Variants in THSD7B observed in about 807,000 individuals in gnomAD.
THSD7B encodes the protein thrombospondin type 1 domain containing 7B, also known as thrombospondin type-1 domain-containing protein 7B.
THSD7B carries 138 observed loss-of-function variants against 213.6 expected under a neutral mutation model. That is an observed-to-expected ratio of 0.65 (90% CI 0.56 to 0.74). The LOEUF is 0.74. Among genes scored for constraint, THSD7B ranks in the 30% least tolerant of loss-of-function variants. The probability of loss-of-function intolerance (pLI) is 0.00; values close to 1 mark genes in which losing one functional copy is unlikely to be tolerated. For missense variants in THSD7B, 1,931 were observed against 1,991.5 expected (o/e 0.97, Z 0.58); for synonymous variants, 742 against 687.0 (o/e 1.08, Z -1.25).
chr2:136,888,686 G>C (rs1038019208), intron 2 of THSD7B, among the ~76,000 whole-genome samples: 1 of 151,832 alleles, frequency 6.6e-6, no homozygotes, highest in Admixed American at 6.6e-5. Context: ...TTTTTTTATA[G>C]ACCACAGTCA....
At chr2:137,644,610 C>A (rs1326109891) in intron 21 of THSD7B, among the ~76,000 whole-genome samples, 9 of 152,300 alleles carry the variant, frequency 5.9e-5, no homozygotes, top group African/African-American at 2.2e-4. Flanking sequence ...TAGGTAACAC[C>A]ATATCTTCTT....
At chr2:137,291,269 GTAA>G (rs1469390303) in intron 12 of THSD7B, among the ~76,000 whole-genome samples, 1 of 152,036 alleles carries the variant, frequency 6.6e-6, no homozygotes, top group African/African-American at 2.4e-5. Context: ...TCTCCCAGTT[GTAA>G]TTAAGCAATT....
chr2:137,308,705 A>G (rs1683816269), intron 12 of THSD7B, among the ~76,000 whole-genome samples: 1 of 152,128 alleles, frequency 6.6e-6, no homozygotes, highest in Non-Finnish European at 1.5e-5. Flanking sequence ...GTTGAGAAAA[A>G]GGTATAATAA....
chr2:137,614,135 TTAATATC>T (rs1165406265), intron 17 of THSD7B, among the ~76,000 whole-genome samples: 2 of 152,124 alleles, frequency 1.3e-5, no homozygotes, highest in African/African-American at 2.4e-5. Flanking sequence ...TTTCTTTATA[TTAATATC>T]TAATTATCCG....
intron 2 of THSD7B, among the ~76,000 whole-genome samples, chr2:136,973,935 A>G (rs964013495): frequency 6.6e-6 from 1 of 152,206 alleles, no homozygotes; most frequent in Non-Finnish European, 1.5e-5. Flanking sequence ...GTAACCTCCT[A>G]TCTTGAAAGA....
chr2:136,883,121 A>C (rs1683652980), intron 2 of THSD7B, among the ~76,000 whole-genome samples: 2 of 152,122 alleles, frequency 1.3e-5, no homozygotes, highest in South Asian at 4.1e-4. Flanking sequence ...CATTCTTTCA[A>C]ATACTGATAA....
chr2:136,986,536 CTCTTT>C (rs1685675921), intron 2 of THSD7B, among the ~76,000 whole-genome samples: 1 of 152,172 alleles, frequency 6.6e-6, no homozygotes, highest in Admixed American at 6.5e-5. Flanking sequence ...CCAGTTAAAC[CTCTTT>C]TCTTTATAAA....
chr2:136,903,287 G>A (rs554534491), intron 2 of THSD7B, among the ~76,000 whole-genome samples: 28 of 152,266 alleles, frequency 1.8e-4, no homozygotes, highest in Non-Finnish European at 1.5e-4. Flanking sequence ...GGAAGACCAA[G>A]TTTCTAGCTG....
intron 2 of THSD7B, among the ~76,000 whole-genome samples, chr2:137,004,264 C>T (rs1398485513): frequency 6.6e-6 from 1 of 151,092 alleles, no homozygotes; most frequent in South Asian, 2.1e-4. Context: ...CACCTTCATC[C>T]TCCTTCCCGT....
rs571253214 is a variant in THSD7B at position 136,807,245 on chromosome 2, T to C, written c.-36+41558T>C. ...CTCCTTGAGGAGAGGAATATTTATG[T>C]AACTTATTTGGAATTTTTCTGTGCA... On this transcript the variant is annotated intron_variant, in intron 1 of 27. Coordinates refer to ENST00000409968, the MANE Select transcript of THSD7B (RefSeq NM_001316349.2). Among the ~76,000 whole-genome samples, 10 of 152,298 alleles carry C rather than the reference T, an allele frequency of 6.6e-5. No individual in the cohort carries two copies. The South Asian group carries it at 2.1e-3, about 32-fold the overall frequency.
intron 2 of THSD7B, among the ~76,000 whole-genome samples, chr2:136,967,336 A>C (rs1685337531): frequency 6.6e-6 from 1 of 152,194 alleles, no homozygotes; most frequent in Non-Finnish European, 1.5e-5. Flanking sequence ...TTATCCTACC[A>C]ATCACCTGAA....
rs961341388 is a variant in THSD7B, at chr2:137,625,439, C to T, written c.3799+4713C>T. ...TGTATACCTATGTAACAAACCTGCA[C>T]GTTGTGCACATGTGCCCTAGAACTT... is the stretch of plus-strand genomic sequence containing the variant. On this transcript the variant is annotated intron_variant, in intron 20 of 27. Transcript: ENST00000409968. 8.7e-5 allele frequency among the ~76,000 whole-genome samples: 13 copies of T among 149,938 alleles called. No individual in the cohort carries two copies. The East Asian group carries it at 1.8e-3, about 20-fold the overall frequency.
intron 27 of THSD7B, among the ~76,000 whole-genome samples, chr2:137,670,407 T>C (rs755370353): frequency 2.6e-5 from 4 of 152,198 alleles, no homozygotes; most frequent in Non-Finnish European, 5.9e-5. Context: ...TAATTCCCTA[T>C]ACCCTGTACA....
At chr2:137,310,006 C>A (rs868265658) in intron 12 of THSD7B, among the ~76,000 whole-genome samples, 9 of 151,364 alleles carry the variant, frequency 5.9e-5, no homozygotes, top group South Asian at 4.3e-4. Flanking sequence ...ATTTATAGTC[C>A]TTTGGGTATA....
At chr2:137,616,682 G>A (rs926680649) in intron 18 of THSD7B, among the ~76,000 whole-genome samples, 17 of 152,190 alleles carry the variant, frequency 1.1e-4, no homozygotes, top group Non-Finnish European at 4.4e-5. Context: ...GCTCTTTTAT[G>A]CCTTTTATTA....
chr2:137,049,101 T>G (rs979353389), intron 2 of THSD7B, among the ~76,000 whole-genome samples: 3 of 152,242 alleles, frequency 2.0e-5, no homozygotes, highest in Non-Finnish European at 2.9e-5. Context: ...TGAAGCCATA[T>G]TTATGGGATG....
chr2:137,552,502 C>T (rs958589619), intron 15 of THSD7B, among the ~76,000 whole-genome samples: 1 of 152,148 alleles, frequency 6.6e-6, no homozygotes, highest in Non-Finnish European at 1.5e-5. Flanking sequence ...ATCATACCAA[C>T]CTTGTCTAAC....
chr2:137,591,223 G>T (rs776536888), intron 17 of THSD7B, among the ~76,000 whole-genome samples: 1 of 151,520 alleles, frequency 6.6e-6, no homozygotes, highest in Non-Finnish European at 1.5e-5. Context: ...GGCATTTAAG[G>T]TATACATTTT....
chr2:137,080,785 C>T (rs1687732651), intron 3 of THSD7B, among the ~76,000 whole-genome samples: 1 of 151,866 alleles, frequency 6.6e-6, no homozygotes. Context: ...TTACGTTATT[C>T]TTCTAGTCCT....
Sources: allele counts gnomAD v4.1 joint callset (sites outside exome capture counted in the v4.1 genomes callset), GRCh38; gene constraint gnomAD v4.1.1; transcripts MANE v1.5; gene names NCBI Gene and HGNC (gene_info 2026-07-23, HGNC 2026-07-21).